The following CSMD1 variants were observed in gnomAD, a reference collection of about 807,000 sequenced individuals.
CSMD1 encodes the protein CUB and sushi domain-containing protein 1.
In CSMD1, 213 loss-of-function variants were observed where a neutral mutation model predicts 417.5. That is an observed-to-expected ratio of 0.51 (90% CI 0.46 to 0.57). The LOEUF (loss-of-function observed/expected upper bound fraction) is 0.57. Among genes scored for constraint, CSMD1 ranks in the 20% least tolerant of loss-of-function variants. CSMD1 has a pLI of 0.00. For synonymous variants in CSMD1, 2,862 were observed against 1,736.8 expected (o/e 1.65, Z -16.11); for missense variants, 6,923 against 4,529.7 (o/e 1.53, Z -15.17).
At chr8:4,014,003 C>T (rs796761071) in intron 4 of CSMD1, among the ~76,000 whole-genome samples, 21 of 152,214 alleles carry the variant, frequency 1.4e-4, no homozygotes, top group African/African-American at 5.1e-4. Context: ...AGAATTAACA[C>T]ACGTAAATAC....
chr8:4,189,072 T>A (rs1439289015), intron 3 of CSMD1, among the ~76,000 whole-genome samples: 2 of 152,194 alleles, frequency 1.3e-5, no homozygotes, highest in Non-Finnish European at 2.9e-5. Flanking sequence ...GAAAGTTAAT[T>A]ATCTAGTAAT....
At chr8:4,073,480 C>T (rs1266023238) in intron 3 of CSMD1, among the ~76,000 whole-genome samples, 1 of 152,146 alleles carries the variant, frequency 6.6e-6, no homozygotes, top group Admixed American at 6.5e-5. Context: ...TCCTCATTTT[C>T]TGGCTGTCCT....
chr8:3,742,320 G>C (rs1040300180), intron 6 of CSMD1, among the ~76,000 whole-genome samples: 2 of 152,186 alleles, frequency 1.3e-5, no homozygotes, highest in Middle Eastern at 3.4e-3. Flanking sequence ...GGTATCCAGG[G>C]AGACAGTCCA....
intron 10 of CSMD1, among the ~76,000 whole-genome samples, chr8:3,551,919 A>G (rs1798932421): frequency 6.6e-6 from 1 of 152,158 alleles, no homozygotes; most frequent in East Asian, 1.9e-4. Flanking sequence ...GTGTCAGTCC[A>G]GACGTGGTTT....
chr8:3,999,184 T>C (rs983210735), intron 4 of CSMD1, among the ~76,000 whole-genome samples: 64 of 152,150 alleles, frequency 4.2e-4, no homozygotes, highest in East Asian at 7.7e-4. Context: ...TTTCCTCAAA[T>C]ACTTCCTATC....
intron 3 of CSMD1, among the ~76,000 whole-genome samples, chr8:4,215,088 C>T (rs919405921): frequency 6.6e-6 from 1 of 152,130 alleles, no homozygotes. Context: ...ACAAACAATG[C>T]TTCTATTCCG....
At chr8:3,151,602 A>G (rs953088760) in intron 39 of CSMD1, 89 bp from the exon 40 acceptor site, 5 of 780,686 alleles carry the variant, frequency 6.4e-6, no homozygotes, top group South Asian at 1.6e-5. Context: ...CTATGCTGAG[A>G]AAGAGCAAGT....
intron 3 of CSMD1, among the ~76,000 whole-genome samples, chr8:4,189,120 A>G (rs1197981514): frequency 1.3e-5 from 2 of 152,274 alleles, no homozygotes; most frequent in Non-Finnish European, 2.9e-5. Context: ...TTACTCAAAC[A>G]TGCCCTGTAA....
At chr8:3,978,409 A>G (rs1000187343) in intron 5 of CSMD1, among the ~76,000 whole-genome samples, 4 of 152,062 alleles carry the variant, frequency 2.6e-5, no homozygotes, top group Non-Finnish European at 5.9e-5. Flanking sequence ...TCTTCCACTC[A>G]TATTTTTTTT....
At position 3,186,674 on chromosome 8, in the gene CSMD1, A is replaced by G. The variant is rs557774170; in HGVS notation, c.5620+1195T>C. On this transcript the variant is annotated intron_variant, in intron 36 of 69. Transcript: ENST00000635120. ...AAATATTTAGGGAAAAAATATCCAC[A>G]GTTAAGAAAAAATATATATTCCAGC... Among the ~76,000 whole-genome samples the G allele has an allele frequency of 3.9e-4, 60 of 152,332 alleles. 1 individual carries two copies. The South Asian group carries it at 7.0e-3, about 18-fold the overall frequency.
intron 10 of CSMD1, among the ~76,000 whole-genome samples, chr8:3,502,449 A>C (rs924735420): frequency 2.6e-5 from 4 of 152,138 alleles, no homozygotes; most frequent in African/African-American, 9.7e-5. Flanking sequence ...AATCGCCAAA[A>C]TTAGGAAGCA....
chr8:4,203,121 A>G (rs1460190195), intron 3 of CSMD1, among the ~76,000 whole-genome samples: 3 of 152,194 alleles, frequency 2.0e-5, no homozygotes, highest in Non-Finnish European at 4.4e-5. Flanking sequence ...TTGTCATAAC[A>G]TTTCTTAAAA....
At chr8:3,790,595 A>G (rs138692970) in intron 5 of CSMD1, among the ~76,000 whole-genome samples, 13 of 152,336 alleles carry the variant, frequency 8.5e-5, no homozygotes, top group African/African-American at 2.9e-4. Context: ...TTTTTGGCAT[A>G]CACAACAATT....
At chr8:3,427,907 T>C (rs1033242187) in intron 12 of CSMD1, among the ~76,000 whole-genome samples, 5 of 152,240 alleles carry the variant, frequency 3.3e-5, no homozygotes, top group African/African-American at 1.2e-4. Flanking sequence ...GCTCAACTGA[T>C]AATTCACAGG....
intron 5 of CSMD1, among the ~76,000 whole-genome samples, chr8:3,993,087 T>G (rs2554610): frequency 6.6e-6 from 1 of 151,994 alleles, no homozygotes; most frequent in African/African-American, 2.4e-5. Context: ...TCAAACAGAG[T>G]CTGAAAATGA....
chr8:3,936,442 G>A (rs1029019348), intron 5 of CSMD1, among the ~76,000 whole-genome samples: 4 of 152,094 alleles, frequency 2.6e-5, no homozygotes, highest in African/African-American at 7.2e-5. Context: ...TCTTCTTAGG[G>A]GCTAATGCAA....
rs189511554 is a variant in CSMD1 at position 3,389,531 on chromosome 8, T to G, written c.2594-1849A>C. 3.5e-4 allele frequency among the ~76,000 whole-genome samples: 53 copies of G among 152,298 alleles called. No homozygotes were observed. The South Asian group carries it at 5.8e-3, about 17-fold the overall frequency. ...AAAAAAAACAGTTAACTAAATAATT[T>G]CATTTCTTCAAAAAGGTTTCTGTGG... On this transcript the variant is annotated intron_variant, in intron 17 of 69. Transcript: ENST00000635120.
chr8:3,526,013 G>A (rs1797738638), intron 10 of CSMD1, among the ~76,000 whole-genome samples: 1 of 152,110 alleles, frequency 6.6e-6, no homozygotes, highest in Non-Finnish European at 1.5e-5. Context: ...ATGGGATGGA[G>A]CTTAAATAAT....
At chr8:4,249,801 T>G (rs975303970) in intron 3 of CSMD1, among the ~76,000 whole-genome samples, 1 of 152,126 alleles carries the variant, frequency 6.6e-6, no homozygotes, top group Non-Finnish European at 1.5e-5. Context: ...GAACACAGTG[T>G]CAGTTTAGAA....
Sources: gnomAD v4.1 joint callset for allele counts (sites outside exome capture counted in the v4.1 genomes callset) on GRCh38, gnomAD v4.1.1 for gene constraint, MANE v1.5 for transcripts, NCBI Gene and HGNC (gene_info 2026-07-23, HGNC 2026-07-21) for gene names.